CDK14: variants seen among roughly 807,000 people sequenced by gnomAD.
CDK14 encodes cyclin dependent kinase 14, also known as cyclin-dependent kinase 14.
A neutral mutation model predicts 60.7 loss-of-function variants in CDK14; 34 were observed. The ratio of observed to expected loss-of-function variants is 0.56; its 90% CI spans 0.43 to 0.75. The LOEUF (loss-of-function observed/expected upper bound fraction) is 0.75, where lower values mean the gene tolerates loss of function less well. CDK14 is among the 30% of genes least tolerant of loss of function. The probability of loss-of-function intolerance (pLI) is 0.00; values close to 1 mark genes in which losing one functional copy is unlikely to be tolerated. For synonymous variants in CDK14, 197 were observed against 203.7 expected (o/e 0.97, Z 0.28); for missense variants, 482 against 564.1 (o/e 0.85, Z 1.47).
At chr7:90,709,780 TTTGC>T in intron 2 of CDK14, 1 of 1,428,698 alleles carries the variant, frequency 7.0e-7, no homozygotes, top group Non-Finnish European at 9.2e-7. Context: ...CTTTTTTTTT[TTTGC>T]TTGCTTATGC....
intron 10 of CDK14, among the ~76,000 whole-genome samples, chr7:91,032,831 T>C (rs1796801995): frequency 6.6e-6 from 1 of 152,252 alleles, no homozygotes; most frequent in South Asian, 2.1e-4. Flanking sequence ...AATACATTCA[T>C]ATTAACATAT....
At chr7:90,963,758 C>T (rs1158724507) in intron 9 of CDK14, among the ~76,000 whole-genome samples, 1 of 147,028 alleles carries the variant, frequency 6.8e-6, no homozygotes, top group Non-Finnish European at 1.5e-5. Context: ...CTCGGTCACC[C>T]AGACTGTAGT....
chr7:90,920,093 A>G (rs2117429305), intron 8 of CDK14, among the ~76,000 whole-genome samples: 1 of 152,354 alleles, frequency 6.6e-6, no homozygotes, highest in Middle Eastern at 3.4e-3. Flanking sequence ...AATTTAAGAC[A>G]TGCAATTAAC....
At chr7:90,946,302 T>G (rs1230711133) in intron 8 of CDK14, among the ~76,000 whole-genome samples, 1 of 152,194 alleles carries the variant, frequency 6.6e-6, no homozygotes, top group East Asian at 1.9e-4. Flanking sequence ...ATTTATTTAC[T>G]ACATTAGCAA....
chr7:90,806,536 G>A lies in CDK14; in HGVS notation c.544+15884G>A, dbSNP rs78903920. On this transcript the variant is annotated intron_variant, in intron 5 of 14. Coordinates refer to ENST00000380050, the MANE Select transcript of CDK14 (RefSeq NM_001287135.2). ...ACAGCTCCAGTCTACAGCTCCCAGC[G>A]TGAGCGATGTAGAAGACAGGTGATT... Among the ~76,000 whole-genome samples, 152 of 152,324 alleles carry A rather than the reference G, an allele frequency of 1.0e-3. 2 individuals carry two copies. The highest frequency in any genetic ancestry group is 6.2e-3 in the South Asian group (30 of 4,824).
intron 10 of CDK14, among the ~76,000 whole-genome samples, chr7:91,039,813 C>G (rs1038331501): frequency 6.6e-6 from 1 of 152,000 alleles, no homozygotes; most frequent in Non-Finnish European, 1.5e-5. Context: ...CCTTCTTGGC[C>G]GGGTGCGGTG....
intron 14 of CDK14, among the ~76,000 whole-genome samples, chr7:91,165,592 C>T (rs566528985): frequency 6.6e-6 from 1 of 152,312 alleles, no homozygotes; most frequent in South Asian, 2.1e-4. Context: ...GTGCTCATCA[C>T]ATTCCACCGA....
chr7:91,043,780 T>G (rs112407136), intron 10 of CDK14, among the ~76,000 whole-genome samples: 50 of 152,310 alleles, frequency 3.3e-4, no homozygotes, highest in African/African-American at 1.2e-3. Flanking sequence ...GAATTTTTAT[T>G]TTCTCATTTG....
intron 3 of CDK14, among the ~76,000 whole-genome samples, chr7:90,732,638 A>G (rs1802915848): frequency 6.6e-6 from 1 of 152,086 alleles, no homozygotes; most frequent in Non-Finnish European, 1.5e-5. Flanking sequence ...AGAGGTATTT[A>G]TAGTATTTTC....
At chr7:90,756,685 G>T (rs1477977921) in intron 4 of CDK14, among the ~76,000 whole-genome samples, 1 of 152,164 alleles carries the variant, frequency 6.6e-6, no homozygotes, top group Non-Finnish European at 1.5e-5. Flanking sequence ...GCTAAGTTTG[G>T]TGTGTCCCTA....
At chr7:90,744,605 C>T (rs12704574) in intron 3 of CDK14, among the ~76,000 whole-genome samples, 27,472 of 151,224 alleles carry the variant, frequency 0.18, 2,480 homozygotes, top group South Asian at 0.23. Context: ...AAGCGCCCCT[C>T]ACCTCCCGGA....
rs1019283103 is a variant in CDK14 at position 91,208,295 on chromosome 7, C to G, written c.*1159C>G. ...AAAGATGAAAAAGGGAATGGGCCAG[C>G]TTCCCTTACTCAAGGAGTTGAGGGA... is the stretch of plus-strand genomic sequence containing the variant. On this transcript the variant is annotated 3_prime_UTR_variant, in exon 15 of 15. Coordinates refer to ENST00000380050, the MANE Select transcript of CDK14 (RefSeq NM_001287135.2). The G allele has an allele frequency of 1.3e-5, 2 of 152,660 alleles. No individual in the cohort carries two copies. The highest frequency in any genetic ancestry group is 4.8e-5 in the African/African-American group (2 of 41,452). The allele number at this position is 152,660 out of a possible 1,614,324, so 9.5% of individuals were successfully genotyped here.
At chr7:90,745,540 C>T (rs980273912) in intron 3 of CDK14, among the ~76,000 whole-genome samples, 7 of 152,064 alleles carry the variant, frequency 4.6e-5, no homozygotes, top group African/African-American at 7.2e-5. Flanking sequence ...CTTAGCCTCC[C>T]GAGTAGCTGG....
At chr7:90,690,869 T>C (rs1460474794) in intron 2 of CDK14, among the ~76,000 whole-genome samples, 1 of 152,202 alleles carries the variant, frequency 6.6e-6, no homozygotes, top group East Asian at 1.9e-4. Context: ...AAAACAATTA[T>C]ACTTCTAAGC....
chr7:90,798,525 C>A (rs1036305611), intron 5 of CDK14, among the ~76,000 whole-genome samples: 16 of 152,150 alleles, frequency 1.1e-4, no homozygotes, highest in African/African-American at 3.9e-4. Flanking sequence ...TTTGAATTTG[C>A]CCCTCTTCTG....
At chr7:90,775,273 C>A (rs184113549) in intron 4 of CDK14, among the ~76,000 whole-genome samples, 1 of 152,202 alleles carries the variant, frequency 6.6e-6, no homozygotes, top group Admixed American at 6.5e-5. Context: ...CTGTATATGG[C>A]TTTTAAAACA....
chr7:90,663,088 A>G (rs1038998680), intron 2 of CDK14, among the ~76,000 whole-genome samples: 7 of 110,194 alleles, frequency 6.4e-5, no homozygotes, highest in African/African-American at 2.4e-4. Context: ...ATTGGAACTA[A>G]GATGGGAACA....
At position 91,209,540 on chromosome 7, in the gene CDK14, A is replaced by G. The variant is rs879533968; in HGVS notation, c.*2404A>G. 6.6e-5 allele frequency: 10 copies of G among 152,542 alleles called. No individual in the cohort carries two copies. The highest frequency in any genetic ancestry group is 1.3e-4 in the Admixed American group (2 of 15,274). The allele number at this position is 152,542 out of a possible 1,614,324, so 9.4% of individuals were successfully genotyped here. On this transcript the variant is annotated 3_prime_UTR_variant, in exon 15 of 15. Coordinates refer to ENST00000380050, the MANE Select transcript of CDK14 (RefSeq NM_001287135.2). The stretch of plus-strand genomic sequence containing the variant: ...TCCTTGTGGGCAGTCATGAAAATCA[A>G]TTCAGACTGTGTTGATTAGCAGATT...
intron 6 of CDK14, among the ~76,000 whole-genome samples, chr7:90,864,767 C>T (rs1349601203): frequency 1.3e-5 from 2 of 152,096 alleles, no homozygotes; most frequent in East Asian, 1.9e-4. Flanking sequence ...AAATTCACTA[C>T]CCTGCATTAT....
Sources: gnomAD v4.1 joint callset for allele counts (sites outside exome capture counted in the v4.1 genomes callset) on GRCh38, gnomAD v4.1.1 for gene constraint, MANE v1.5 for transcripts, NCBI Gene and HGNC (gene_info 2026-07-23, HGNC 2026-07-21) for gene names.